Variants in C2CD3 observed in about 807,000 individuals in gnomAD.
C2CD3 encodes the protein C2 domain-containing protein 3.
In C2CD3, 148 loss-of-function variants were observed where a neutral mutation model predicts 234.0. That is an observed-to-expected ratio of 0.63 (90% confidence interval 0.55 to 0.72). The LOEUF (loss-of-function observed/expected upper bound fraction) is 0.72, where lower values mean the gene tolerates loss of function less well. C2CD3 is among the 30% of genes least tolerant of loss of function. The pLI is 0.00. For missense variants in C2CD3, 2,577 were observed against 2,811.5 expected, an observed-to-expected ratio of 0.92 and a Z score of 1.89; for synonymous variants, 1,000 against 1,035.4, an observed-to-expected ratio of 0.97 and a Z score of 0.66.
chr11:74,057,500 C>T lies in C2CD3; in HGVS notation c.4996G>A (p.Val1666Ile). 6.2e-7 allele frequency: 1 copy of T among 1,614,076 alleles called. No individual in the cohort carries two copies. Among genetic ancestry groups the T allele is most frequent in the Admixed American group, 1.7e-5 (1 of 60,020 alleles). Residue 1666 changes from valine (V) to isoleucine (I), a missense_variant, in exon 25 of 33, where the codon GTA becomes ATA. By Grantham distance (29) the Val-to-Ile change is conservative. Transcript: ENST00000334126. ...GACTCATCGGCTGTTGCAAAGGATA[C>T]ACAACAACTGGGTATCGATACTTTC... ...ERKVSIPSCC[V>I]SFATADESSP...
intron 5 of C2CD3, among the ~76,000 whole-genome samples, chr11:74,134,977 G>A (rs997377372): frequency 6.6e-6 from 1 of 151,634 alleles, no homozygotes; most frequent in African/African-American, 2.4e-5. Flanking sequence ...TTCCTGCCCC[G>A]GCCTCCCAAA....
intron 28 of C2CD3, among the ~76,000 whole-genome samples, chr11:74,047,792 T>C (rs1411504356): frequency 6.6e-6 from 1 of 152,216 alleles, no homozygotes; most frequent in Non-Finnish European, 1.5e-5. Flanking sequence ...GGATGGAACA[T>C]GCTCTAGCCC....
At chr11:74,066,553 T>G (rs1237211084) in intron 24 of C2CD3, among the ~76,000 whole-genome samples, 1 of 152,094 alleles carries the variant, frequency 6.6e-6, no homozygotes, top group Non-Finnish European at 1.5e-5. Flanking sequence ...ATAACCCCAG[T>G]TAGAGCTTCC....
chr11:74,096,094 T>C (rs1030723905), intron 16 of C2CD3, among the ~76,000 whole-genome samples: 3 of 152,186 alleles, frequency 2.0e-5, no homozygotes, highest in Non-Finnish European at 4.4e-5. Flanking sequence ...CGTGTATTTA[T>C]TGAGGATTTA....
Position 74,100,400 on chromosome 11 carries a change from G to GA in C2CD3, c.2732+124dup, listed in dbSNP as rs2135493064. ...TAGGAGAAAGAGCAGCAACTCTGTT[G>GA]AAACTGGAAAAAGTCCTTCAAGGGA... On this transcript the variant is annotated intron_variant, in intron 15 of 32. Transcript: ENST00000334126. 3 of 861,678 alleles carry GA rather than the reference G, an allele frequency of 3.5e-6. No homozygotes were observed. In the South Asian group the frequency reaches 5.3e-5, roughly 15 times the overall value. The allele number at this position is 861,678 out of a possible 1,614,324, so 53.4% of individuals were successfully genotyped here. A position where few individuals can be genotyped will look rare whatever the true frequency, so the allele number is the denominator to read the frequency against.
rs1046254835 is a variant in C2CD3, at chr11:74,074,653, C to T, written c.4604-53G>A. ...TAGTCAAGCAGGAACCAAGACCAAG[C>T]TTGGAGGAAATACTCACTGAGGGTG... On this transcript the variant is annotated intron_variant, in intron 23 of 32. Coordinates refer to ENST00000334126, the MANE Select transcript of C2CD3 (RefSeq NM_001286577.2). The T allele has an allele frequency of 9.0e-6, 13 of 1,439,504 alleles. No homozygotes were observed. The African/African-American group carries it at 1.8e-4, about 20-fold the overall frequency. The allele number at this position is 1,439,504 out of a possible 1,614,324, so 89.2% of individuals were successfully genotyped here.
At chr11:74,023,189 C>T (rs1726761) in intron 32 of C2CD3, among the ~76,000 whole-genome samples, 8,970 of 152,238 alleles carry the variant, frequency 0.059, 834 homozygotes, top group African/African-American at 0.2. Context: ...GTCTTGTCTT[C>T]GATCATGTGG....
chr11:74,169,644 T>C (rs1283696494), intron 1 of C2CD3, among the ~76,000 whole-genome samples: 2 of 152,156 alleles, frequency 1.3e-5, no homozygotes, highest in East Asian at 3.9e-4. Context: ...TTTCTACATA[T>C]GGAAATGGTA....
intron 11 of C2CD3, among the ~76,000 whole-genome samples, chr11:74,111,216 T>C (rs1455953573): frequency 6.6e-6 from 1 of 152,164 alleles, no homozygotes; most frequent in Non-Finnish European, 1.5e-5. Context: ...CTTTACGTCC[T>C]GATATGCAAA....
intron 14 of C2CD3, among the ~76,000 whole-genome samples, chr11:74,102,476 A>G (rs932654431): frequency 6.6e-6 from 1 of 152,224 alleles, no homozygotes; most frequent in Admixed American, 6.5e-5. Flanking sequence ...CTTCATAAAA[A>G]TGAGTGCTGA....
Position 74,085,776 on chromosome 11 carries a change from T to C in C2CD3, c.3752A>G (p.His1251Arg). 1 of 1,613,686 alleles carries C rather than the reference T, an allele frequency of 6.2e-7. No homozygotes were observed. The highest frequency in any genetic ancestry group is 1.1e-5 in the South Asian group (1 of 91,046). ...FLPQGEQRRT[H>R]PVACSFCPEF... ...AGGGCAGAAAGAACAGGCCACAGGG[T>C]GGGTTCGGCGCTGTTCTCCCTGGGG... The change falls in exon 21 of 33, where the codon CAC becomes CGC. Residue 1251 changes from histidine (H) to arginine (R), a missense_variant. By Grantham distance (29) the His-to-Arg change is conservative. Transcript: ENST00000334126.
At chr11:74,089,741 T>C (rs1955804621) in intron 20 of C2CD3, among the ~76,000 whole-genome samples, 1 of 152,188 alleles carries the variant, frequency 6.6e-6, no homozygotes, top group African/African-American at 2.4e-5. Context: ...TATCTCTGAC[T>C]AGAGGAACTC....
chr11:74,022,985 G>A (rs1440469638), intron 32 of C2CD3, among the ~76,000 whole-genome samples: 4 of 152,208 alleles, frequency 2.6e-5, no homozygotes, highest in African/African-American at 9.6e-5. Context: ...CACCCTGTGA[G>A]GCCTGATAAC....
chr11:74,123,015 A>G lies in C2CD3; in HGVS notation c.1338T>C (p.Leu446=). 1 of 1,613,646 alleles carries G rather than the reference A, an allele frequency of 6.2e-7. No individual in the cohort carries two copies. The highest frequency in any genetic ancestry group is 8.5e-7 in the Non-Finnish European group (1 of 1,179,590). Reference sequence around the variant, plus strand: ...GTGCTGTATAAAATAAATTCTCCAGAAGACTCTGGTCATACTGAGGGTCAT... The same window carrying G: ...GTGCTGTATAAAATAAATTCTCCAGGAGACTCTGGTCATACTGAGGGTCAT... ...ELNDPQYDQS[L]LENLFYTAPK... Residue 446 remains leucine (L), a synonymous_variant, in exon 8 of 33, where the codon CTT becomes CTC. Transcript: ENST00000334126.
chr11:74,161,653 C>T, intron 2 of C2CD3, 97 bp from the exon 3 acceptor site: 1 of 698,742 alleles, frequency 1.4e-6, no homozygotes, highest in Middle Eastern at 2.9e-4. Flanking sequence ...AGCTTTCTAA[C>T]TTGAAAAAAA....
intron 2 of C2CD3, among the ~76,000 whole-genome samples, chr11:74,167,832 T>C (rs1240669022): frequency 1.3e-5 from 2 of 152,260 alleles, no homozygotes; most frequent in Non-Finnish European, 2.9e-5. Context: ...ACATCTGTAA[T>C]ACTAACTCAC....
chr11:74,120,987 T>C (rs1957191517), intron 8 of C2CD3, among the ~76,000 whole-genome samples: 1 of 147,140 alleles, frequency 6.8e-6, no homozygotes, highest in Admixed American at 6.7e-5. Context: ...TGAGACCCTG[T>C]CTCTACAGAA....
chr11:74,166,430 T>C (rs546463759), intron 2 of C2CD3, among the ~76,000 whole-genome samples: 1 of 152,126 alleles, frequency 6.6e-6, no homozygotes, highest in Non-Finnish European at 1.5e-5. Context: ...CTTTCTTAAC[T>C]AGAATTATGA....
intron 11 of C2CD3, chr11:74,109,374 T>C (rs1956657839): frequency 4.6e-6 from 2 of 438,146 alleles, no homozygotes; most frequent in South Asian, 5.1e-5. Context: ...CAGTGCTATG[T>C]TGCTCCGCTT....
Sources: gnomAD v4.1 joint callset for allele counts (sites outside exome capture counted in the v4.1 genomes callset) on GRCh38, gnomAD v4.1.1 for gene constraint, MANE v1.5 for transcripts, NCBI Gene and HGNC (gene_info 2026-07-23, HGNC 2026-07-21) for gene names.